DNAH12: variants seen among roughly 807,000 people sequenced by gnomAD.
The protein encoded by DNAH12 is axonemal beta dynein heavy chain 12.
In DNAH12, 285 loss-of-function variants were observed where a neutral mutation model predicts 371.5. That is an observed-to-expected ratio of 0.77 (90% confidence interval 0.70 to 0.85). The LOEUF is 0.85. Among genes scored for constraint, DNAH12 ranks in the 40% least tolerant of loss-of-function variants. The probability of loss-of-function intolerance (pLI) is 0.00; values close to 1 mark genes in which losing one functional copy is unlikely to be tolerated. For missense variants in DNAH12, 3,611 were observed against 3,689.4 expected, an observed-to-expected ratio of 0.98 and a Z score of 0.55; for synonymous variants, 1,200 against 1,213.0, an observed-to-expected ratio of 0.99 and a Z score of 0.22.
intron 13 of DNAH12, among the ~76,000 whole-genome samples, chr3:57,476,004 T>C (rs2066510882): frequency 6.6e-6 from 1 of 152,078 alleles, no homozygotes; most frequent in African/African-American, 2.4e-5. Flanking sequence ...AACAACCAAA[T>C]ATCCAGAACA....
At chr3:57,373,317 G>A (rs2063214622) in intron 55 of DNAH12, among the ~76,000 whole-genome samples, 1 of 42,040 alleles carries the variant, frequency 2.4e-5, no homozygotes, top group East Asian at 9.4e-4. Context: ...TTACTCAACT[G>A]ATTTTTTTTT....
intron 1 of DNAH12, among the ~76,000 whole-genome samples, chr3:57,543,838 G>A (rs2069407345): frequency 6.6e-6 from 1 of 151,698 alleles, no homozygotes; most frequent in Non-Finnish European, 1.5e-5. Flanking sequence ...CCTCAGGTCG[G>A]GAGTTCGAGC....
chr3:57,309,591 A>T, intron 68 of DNAH12, 75 bp downstream of exon 68: 1 of 1,301,226 alleles, frequency 7.7e-7, no homozygotes, highest in Non-Finnish European at 1.0e-6. Context: ...ATGCTAGTAC[A>T]TGGAGTTTTC....
chr3:57,548,471 G>A (rs1421420094), upstream of DNAH12, among the ~76,000 whole-genome samples: 1 of 152,192 alleles, frequency 6.6e-6, no homozygotes. Flanking sequence ...CACTTTGGAA[G>A]GCTGAGGTGG....
At chr3:57,464,497 C>T (rs945635954) in intron 17 of DNAH12, among the ~76,000 whole-genome samples, 1 of 152,076 alleles carries the variant, frequency 6.6e-6, no homozygotes, top group African/African-American at 2.4e-5. Flanking sequence ...AGTGACCTAG[C>T]GGTAAAGAAA....
rs1000785361 is a variant in DNAH12 at position 57,363,017 on chromosome 3, C to T, written c.9360+577G>A. ...ACAGTTTTAGGTCTAACATTTAAGT[C>T]TTTAATCCATCTTGAATTAATTTTT... On this transcript the variant is annotated intron_variant, in intron 58 of 73. Transcript: ENST00000495027. Among the ~76,000 whole-genome samples, 4 of 152,154 alleles carry T rather than the reference C, an allele frequency of 2.6e-5. No individual in the cohort carries two copies. In the South Asian group the frequency reaches 8.3e-4, roughly 32 times the overall value.
intron 2 of DNAH12, among the ~76,000 whole-genome samples, chr3:57,533,076 C>T (rs1437404615): frequency 6.6e-6 from 1 of 152,186 alleles, no homozygotes; most frequent in Admixed American, 6.5e-5. Flanking sequence ...TTTTCCCTCC[C>T]CTTTCACAGG....
chr3:57,399,812 G>C (rs890530890), intron 43 of DNAH12, among the ~76,000 whole-genome samples: 13 of 152,172 alleles, frequency 8.5e-5, no homozygotes, highest in African/African-American at 3.1e-4. Flanking sequence ...TTAATGAATA[G>C]TCAATATATG....
At chr3:57,398,489 A>G (rs2063790490) in intron 43 of DNAH12, among the ~76,000 whole-genome samples, 1 of 152,232 alleles carries the variant, frequency 6.6e-6, no homozygotes, top group African/African-American at 2.4e-5. Context: ...ATCCACATTA[A>G]GAAACAATAT....
At chr3:57,433,315 A>C in intron 32 of DNAH12, 52 bp downstream of exon 32, 1 of 1,517,816 alleles carries the variant, frequency 6.6e-7, no homozygotes, top group Non-Finnish European at 8.8e-7. Flanking sequence ...TGCTGAACAC[A>C]TAAAATTGCT....
chr3:57,498,454 C>T, intron 11 of DNAH12: 1 of 709,106 alleles, frequency 1.4e-6, no homozygotes, highest in Admixed American at 2.0e-5. Flanking sequence ...GTAGCTGAGA[C>T]TACAGGTGCA....
intron 9 of DNAH12, 72 bp from the exon 10 acceptor site, chr3:57,502,551 T>C (rs917554802): frequency 7.0e-5 from 77 of 1,098,522 alleles, no homozygotes; most frequent in Non-Finnish European, 8.8e-5. Context: ...TATGTAGATC[T>C]TTTTTTTTTT....
chr3:57,512,222 G>A (rs1220555114), intron 4 of DNAH12, among the ~76,000 whole-genome samples: 1 of 152,146 alleles, frequency 6.6e-6, no homozygotes, highest in African/African-American at 2.4e-5. Flanking sequence ...AGGACATTAT[G>A]CTAAGTGAAA....
chr3:57,435,373 C>CCAAAAA (rs1553691248), intron 30 of DNAH12, among the ~76,000 whole-genome samples: 8 of 94,732 alleles, frequency 8.4e-5, no homozygotes, highest in Non-Finnish European at 1.0e-4. Context: ...CTCTGTCTCC[C>CCAAAAA]AAAAAAAAAA....
intron 4 of DNAH12, among the ~76,000 whole-genome samples, chr3:57,522,405 G>A (rs867462499): frequency 3.9e-5 from 6 of 152,004 alleles, no homozygotes; most frequent in South Asian, 2.1e-4. Context: ...ACACATACAC[G>A]CAAATATTAA....
intron 8 of DNAH12, among the ~76,000 whole-genome samples, chr3:57,506,014 G>A (rs1210629051): frequency 6.6e-6 from 1 of 152,180 alleles, no homozygotes; most frequent in Non-Finnish European, 1.5e-5. Context: ...CCAAAGTGCT[G>A]AGATTACAGG....
chr3:57,476,984 G>A (rs1186217207), intron 13 of DNAH12, among the ~76,000 whole-genome samples: 1 of 152,178 alleles, frequency 6.6e-6, no homozygotes, highest in Non-Finnish European at 1.5e-5. Flanking sequence ...CCAGTCTACA[G>A]CTCCCAGTGT....
rs529037168 is a variant in DNAH12 at position 57,483,231 on chromosome 3, A to C, written c.1650+145T>G. The C allele has an allele frequency of 9.7e-5, 87 of 900,420 alleles. No homozygotes were observed. The South Asian group carries it at 1.4e-3, about 15-fold the overall frequency. The allele number at this position is 900,420 out of a possible 1,614,324, so 55.8% of individuals were successfully genotyped here. A position where few individuals can be genotyped will look rare whatever the true frequency, so the allele number is the denominator to read the frequency against. On this transcript the variant is annotated intron_variant, in intron 13 of 73. Coordinates refer to ENST00000495027, the MANE Select transcript of DNAH12 (RefSeq NM_001366028.2). ...TATGCAGAGTCCTGGGGTGCTGACAATATCCTATTTCTTGGCCTAGGTGGT... is the reference window on the plus strand; with the variant it reads ...TATGCAGAGTCCTGGGGTGCTGACACTATCCTATTTCTTGGCCTAGGTGGT...
intron 60 of DNAH12, among the ~76,000 whole-genome samples, chr3:57,344,069 C>T (rs1299920584): frequency 1.3e-5 from 2 of 152,220 alleles, no homozygotes; most frequent in Non-Finnish European, 2.9e-5. Context: ...GATGCCGGTG[C>T]AGGTCCTTGG....
Sources: gnomAD v4.1 joint callset for allele counts (sites outside exome capture counted in the v4.1 genomes callset) on GRCh38, gnomAD v4.1.1 for gene constraint, MANE v1.5 for transcripts, NCBI Gene and HGNC (gene_info 2026-07-23, HGNC 2026-07-21) for gene names.